The following SDHB variants were observed in gnomAD, a reference collection of about 807,000 sequenced individuals.
SDHB encodes the protein succinate dehydrogenase [ubiquinone] iron-sulfur subunit, mitochondrial.
In SDHB, 21 loss-of-function variants were observed where a neutral mutation model predicts 39.7. The ratio of observed to expected loss-of-function variants is 0.53; its 90% CI spans 0.37 to 0.76. The LOEUF (loss-of-function observed/expected upper bound fraction) is 0.76. Among genes scored for constraint, SDHB ranks in the 30% least tolerant of loss-of-function variants. SDHB has a pLI of 0.00. For synonymous variants in SDHB, 118 were observed against 117.0 expected, an observed-to-expected ratio of 1.01 and a Z score of -0.06; for missense variants, 343 against 350.9, an observed-to-expected ratio of 0.98 and a Z score of 0.18.
intron 1 of SDHB, among the ~76,000 whole-genome samples, chr1:17,053,574 C>G (rs2078160424): frequency 6.6e-6 from 1 of 152,134 alleles, no homozygotes; most frequent in Non-Finnish European, 1.5e-5. Flanking sequence ...TCTCCCTTTT[C>G]TACAGAGGCG....
chr1:17,024,985 G>C (rs1438971452), intron 5 of SDHB, among the ~76,000 whole-genome samples: 1 of 152,182 alleles, frequency 6.6e-6, no homozygotes, highest in Non-Finnish European at 1.5e-5. Context: ...CACTGGTCTA[G>C]AAGGCATAAG....
chr1:17,049,406 T>A (rs1336171722), intron 1 of SDHB, among the ~76,000 whole-genome samples: 1 of 151,978 alleles, frequency 6.6e-6, no homozygotes, highest in African/African-American at 2.4e-5. Context: ...CATGCAATTC[T>A]CCTGTCTCAG....
chr1:17,022,471 G>T, intron 7 of SDHB, 137 bp downstream of exon 7: 1 of 1,234,918 alleles, frequency 8.1e-7, no homozygotes, highest in African/African-American at 1.5e-5. Context: ...GGCTCACACT[G>T]AAAGGACAGG....
chr1:17,033,745 T>G (rs1414192015), intron 2 of SDHB, among the ~76,000 whole-genome samples: 1 of 152,236 alleles, frequency 6.6e-6, no homozygotes, highest in Non-Finnish European at 1.5e-5. Context: ...TGCAGGCAAA[T>G]GATTTAATTT....
At chr1:17,033,176 T>C (rs1252056744) in intron 2 of SDHB, 31 bp from the exon 3 acceptor site, 14 of 1,527,976 alleles carry the variant, frequency 9.2e-6, no homozygotes, top group Non-Finnish European at 1.3e-5. Context: ...GTGGTATTTA[T>C]GTAACGTTCA....
intron 2 of SDHB, among the ~76,000 whole-genome samples, chr1:17,037,556 A>G (rs1237904871): frequency 6.6e-6 from 1 of 152,000 alleles, no homozygotes; most frequent in East Asian, 1.9e-4. Flanking sequence ...ACCTAGGTTC[A>G]AGCAATTCTT....
At position 17,033,163 on chromosome 1, in the gene SDHB, C is replaced by T. The variant is rs765108144; in HGVS notation, c.201-18G>A. 1 of 1,575,178 alleles carries T rather than the reference C, an allele frequency of 6.3e-7. No individual in the cohort carries two copies. The highest frequency in any genetic ancestry group is 8.7e-7 in the Non-Finnish European group (1 of 1,144,986). Reference sequence around the variant, plus strand: ...GGCCACATCTAACAAAGAAAAATATCCAGTGGTATTTATGTAACGTTCAAC... The same window carrying T: ...GGCCACATCTAACAAAGAAAAATATTCAGTGGTATTTATGTAACGTTCAAC... On this transcript the variant is annotated intron_variant, in intron 2 of 7. Coordinates refer to ENST00000375499, the MANE Select transcript of SDHB (RefSeq NM_003000.3).
Position 17,019,129 on chromosome 1 carries a change from C to CT in SDHB, c.766-172dup, listed in dbSNP as rs35456786. Among the ~76,000 whole-genome samples, 7,171 of 152,166 alleles carry CT rather than the reference C, an allele frequency of 0.047. 297 individuals are homozygous for CT. The highest frequency in any genetic ancestry group is 0.12 in the African/African-American group (4,951 of 41,500). On this transcript the variant is annotated intron_variant, in intron 7 of 7. Transcript: ENST00000375499. ...GGGCTAAGGGCTCTCTTCTGTCTAC[C>CT]TTTTTTAACATTTGAAGATGGTCAG...
intron 3 of SDHB, among the ~76,000 whole-genome samples, chr1:17,030,509 G>C (rs1355234931): frequency 6.6e-6 from 1 of 152,114 alleles, no homozygotes; most frequent in South Asian, 2.1e-4. Flanking sequence ...CCAGGACCCC[G>C]ACATGAGAAT....
chr1:17,032,793 T>C (rs2078030482), intron 3 of SDHB: 1 of 512,286 alleles, frequency 2.0e-6, no homozygotes, highest in South Asian at 2.1e-5. Context: ...TAGCTAGGCC[T>C]TGAAGCGTGG....
At chr1:17,042,331 C>T (rs1370746915) in intron 2 of SDHB, among the ~76,000 whole-genome samples, 2 of 152,162 alleles carry the variant, frequency 1.3e-5, no homozygotes, top group Non-Finnish European at 2.9e-5. Flanking sequence ...CAATGTCTGC[C>T]CACTCGTGGT....
rs369016542 is a variant in SDHB at position 17,040,014 on chromosome 1, G to T, written c.200+4747C>A. On this transcript the variant is annotated intron_variant, in intron 2 of 7. Transcript: ENST00000375499. ...CATGTAGTACTGGTCTTCTGGCCATGAATTCTTTTCTTTTCTGTTTACCTG... is the reference window on the plus strand; with the variant it reads ...CATGTAGTACTGGTCTTCTGGCCATTAATTCTTTTCTTTTCTGTTTACCTG... Among the ~76,000 whole-genome samples, 179 of 152,288 alleles carry T rather than the reference G, an allele frequency of 1.2e-3. 5 individuals are homozygous for T. The South Asian group carries it at 0.035, about 30-fold the overall frequency.
chr1:17,048,130 T>C lies in SDHB; in HGVS notation c.73-3242A>G, dbSNP rs565294756. 3.3e-5 allele frequency among the ~76,000 whole-genome samples: 5 copies of C among 152,290 alleles called. No individual in the cohort carries two copies. In the South Asian group the frequency reaches 1.0e-3, roughly 32 times the overall value. On this transcript the variant is annotated intron_variant, in intron 1 of 7. Coordinates refer to ENST00000375499, the MANE Select transcript of SDHB (RefSeq NM_003000.3). ...TTGCCCTTTTATAGCCCTGTCCACT[T>C]CCTCCCACCCTACCTCCCCTGTACT...
chr1:17,044,990 C>T, intron 1 of SDHB, 102 bp from the exon 2 acceptor site: 1 of 1,022,198 alleles, frequency 9.8e-7, no homozygotes, highest in Non-Finnish European at 1.5e-6. Context: ...TAAACTCACA[C>T]ATTACTGACA....
At chr1:17,039,669 T>C (rs2078069817) in intron 2 of SDHB, among the ~76,000 whole-genome samples, 1 of 152,156 alleles carries the variant, frequency 6.6e-6, no homozygotes, top group Non-Finnish European at 1.5e-5. Context: ...AATTTACATC[T>C]TTAACTCTTT....
chr1:17,024,913 C>A (rs2077983328), intron 5 of SDHB, among the ~76,000 whole-genome samples: 1 of 152,204 alleles, frequency 6.6e-6, no homozygotes, highest in South Asian at 2.1e-4. Context: ...TGTGATTGAA[C>A]CATGAGTCTT....
At chr1:17,045,205 A>G (rs544461860) in intron 1 of SDHB, 19 of 354,904 alleles carry the variant, frequency 5.4e-5, no homozygotes, top group African/African-American at 3.6e-4. Context: ...CTGTTGGGAA[A>G]GTACAGGGAG....
At chr1:17,031,122 A>G (rs2078020874) in intron 3 of SDHB, among the ~76,000 whole-genome samples, 1 of 152,048 alleles carries the variant, frequency 6.6e-6, no homozygotes, top group African/African-American at 2.4e-5. Flanking sequence ...AAAAGACAGT[A>G]AGACTCTCCT....
chr1:17,045,728 G>A (rs1414535191), intron 1 of SDHB, among the ~76,000 whole-genome samples: 1 of 152,176 alleles, frequency 6.6e-6, no homozygotes, highest in Non-Finnish European at 1.5e-5. Context: ...AAGATGCAGT[G>A]GTGTTTATTA....
Sources: gnomAD v4.1 joint callset for allele counts (sites outside exome capture counted in the v4.1 genomes callset) on GRCh38, gnomAD v4.1.1 for gene constraint, MANE v1.5 for transcripts, NCBI Gene and HGNC (gene_info 2026-07-23, HGNC 2026-07-21) for gene names.